NRXN3: variants seen among roughly 807,000 people sequenced by gnomAD.
NRXN3 encodes neurexin 3.
In NRXN3, 32 loss-of-function variants were observed where a neutral mutation model predicts 137.6. The ratio of observed to expected loss-of-function variants is 0.23; its 90% CI spans 0.18 to 0.31. NRXN3 has a LOEUF of 0.31. Among genes scored for constraint, NRXN3 ranks in the 10% least tolerant of loss-of-function variants. The probability of loss-of-function intolerance (pLI) is 1.00; values close to 1 mark genes in which losing one functional copy is unlikely to be tolerated. For synonymous variants in NRXN3, 798 were observed against 784.5 expected, an observed-to-expected ratio of 1.02 and a Z score of -0.29; for missense variants, 1,574 against 2,062.5, an observed-to-expected ratio of 0.76 and a Z score of 4.59.
At chr14:78,465,799 C>T (rs1429854522) in intron 4 of NRXN3, among the ~76,000 whole-genome samples, 5 of 151,792 alleles carry the variant, frequency 3.3e-5, no homozygotes, top group Non-Finnish European at 7.4e-5. Context: ...TCCCAAAGTG[C>T]TGGGATTACA....
At chr14:78,194,548 C>G (rs989053007) in intron 1 of NRXN3, among the ~76,000 whole-genome samples, 2 of 152,102 alleles carry the variant, frequency 1.3e-5, no homozygotes, top group African/African-American at 4.8e-5. Flanking sequence ...CAGGGCCTGG[C>G]CTGCCGGGCC....
chr14:79,397,140 AT>A lies in NRXN3; in HGVS notation c.3263-70072del, dbSNP rs200249365. 1.7e-3 allele frequency among the ~76,000 whole-genome samples: 262 copies of A among 151,374 alleles called. 2 individuals carry two copies. The highest frequency in any genetic ancestry group is 5.2e-3 in the African/African-American group (215 of 41,286). On this transcript the variant is annotated intron_variant, in intron 15 of 20. Coordinates refer to ENST00000335750, the MANE Select transcript of NRXN3 (RefSeq NM_001330195.2). ...ATAGGGATTTTTCCTTCTCTTTTAC[AT>A]TTTTTTTTCCTTTCTTGAACATATA...
At chr14:78,269,278 C>A (rs964444946) in intron 2 of NRXN3, among the ~76,000 whole-genome samples, 2 of 152,166 alleles carry the variant, frequency 1.3e-5, no homozygotes, top group Non-Finnish European at 2.9e-5. Flanking sequence ...GAAGAAAATT[C>A]TGACACATGC....
intron 16 of NRXN3, among the ~76,000 whole-genome samples, chr14:79,490,154 T>C (rs1208925320): frequency 5.9e-5 from 9 of 151,464 alleles, no homozygotes; most frequent in African/African-American, 2.2e-4. Flanking sequence ...TACCCAAAGA[T>C]AGGCAATAAC....
intron 4 of NRXN3, among the ~76,000 whole-genome samples, chr14:78,515,158 A>G (rs2096183209): frequency 6.6e-6 from 1 of 152,174 alleles, no homozygotes; most frequent in African/African-American, 2.4e-5. Context: ...TTTTTTAAGC[A>G]GACAGAGAAC....
intron 15 of NRXN3, among the ~76,000 whole-genome samples, chr14:78,995,370 C>T (rs1251312635): frequency 2.0e-5 from 3 of 152,106 alleles, no homozygotes; most frequent in Non-Finnish European, 4.4e-5. Flanking sequence ...TATGTGTTTG[C>T]TTTATTTCAA....
intron 15 of NRXN3, among the ~76,000 whole-genome samples, chr14:79,179,415 A>G (rs562781612): frequency 6.6e-6 from 1 of 152,292 alleles, no homozygotes; most frequent in East Asian, 1.9e-4. Flanking sequence ...AGATATTATC[A>G]TTTTTTAAAA....
chr14:79,839,827 G>T (rs563757992), intron 20 of NRXN3, among the ~76,000 whole-genome samples: 1 of 152,264 alleles, frequency 6.6e-6, no homozygotes, highest in African/African-American at 2.4e-5. Context: ...ACCAACTGAA[G>T]CTTTCAAAAT....
intron 15 of NRXN3, among the ~76,000 whole-genome samples, chr14:79,181,518 A>G (rs1220167929): frequency 1.3e-5 from 2 of 151,970 alleles, no homozygotes; most frequent in African/African-American, 2.4e-5. Flanking sequence ...ACCCGTCTCT[A>G]CTAAAAACAC....
chr14:79,796,931 A>G (rs907011834), intron 19 of NRXN3, among the ~76,000 whole-genome samples: 3 of 152,134 alleles, frequency 2.0e-5, no homozygotes, highest in African/African-American at 7.2e-5. Context: ...ATAGCTAATG[A>G]TTTGGCAACT....
intron 3 of NRXN3, among the ~76,000 whole-genome samples, chr14:78,296,497 A>G (rs1218868861): frequency 2.0e-5 from 3 of 152,114 alleles, no homozygotes; most frequent in East Asian, 3.9e-4. Flanking sequence ...CTCTCTTCTT[A>G]CTATACCCTT....
At chr14:78,273,886 A>G (rs761733998) in intron 2 of NRXN3, among the ~76,000 whole-genome samples, 5 of 152,130 alleles carry the variant, frequency 3.3e-5, no homozygotes, top group Non-Finnish European at 5.9e-5. Context: ...TTAAATCTGT[A>G]TTCTATTTTC....
intron 7 of NRXN3, among the ~76,000 whole-genome samples, chr14:78,710,546 AG>A (rs1266938783): frequency 1.3e-5 from 2 of 152,318 alleles, no homozygotes; most frequent in East Asian, 3.9e-4. Flanking sequence ...TTCTCCATTT[AG>A]GTAGGATGTA....
intron 19 of NRXN3, among the ~76,000 whole-genome samples, chr14:79,720,578 G>A (rs571116968): frequency 6.6e-6 from 1 of 152,148 alleles, no homozygotes; most frequent in African/African-American, 2.4e-5. Flanking sequence ...GACCTCTAGA[G>A]AGCCATTCTG....
At position 79,153,586 on chromosome 14, in the gene NRXN3, C is replaced by T. The variant is rs559381962; in HGVS notation, c.3262+165445C>T. Reference sequence around the variant, plus strand: ...TCAATCACCTTTACTGAAATGTTATCCTGAGAAGACCGTAAACCCAGGGCT... The same window carrying T: ...TCAATCACCTTTACTGAAATGTTATTCTGAGAAGACCGTAAACCCAGGGCT... On this transcript the variant is annotated intron_variant, in intron 15 of 20. Coordinates refer to ENST00000335750, the MANE Select transcript of NRXN3 (RefSeq NM_001330195.2). Among the ~76,000 whole-genome samples the T allele has an allele frequency of 2.0e-5, 3 of 152,032 alleles. No individual in the cohort carries two copies. In the South Asian group the frequency reaches 6.2e-4, roughly 32 times the overall value.
At chr14:79,239,014 T>C (rs943268258) in intron 15 of NRXN3, among the ~76,000 whole-genome samples, 1 of 152,100 alleles carries the variant, frequency 6.6e-6, no homozygotes, top group East Asian at 1.9e-4. Context: ...GGGGAAATGA[T>C]CTAAGACCCC....
intron 4 of NRXN3, among the ~76,000 whole-genome samples, chr14:78,504,016 T>C (rs2095932593): frequency 6.6e-6 from 1 of 152,146 alleles, no homozygotes; most frequent in Non-Finnish European, 1.5e-5. Flanking sequence ...TGAAAGGAAG[T>C]TTAATGGAGG....
intron 2 of NRXN3, among the ~76,000 whole-genome samples, chr14:78,266,709 T>C (rs1165891643): frequency 1.3e-5 from 2 of 152,178 alleles, no homozygotes; most frequent in Non-Finnish European, 2.9e-5. Context: ...TGGTACTCAT[T>C]AGTAGGCAAT....
chr14:78,502,056 A>T (rs2095887799), intron 4 of NRXN3, among the ~76,000 whole-genome samples: 1 of 152,138 alleles, frequency 6.6e-6, no homozygotes, highest in Non-Finnish European at 1.5e-5. Context: ...CACAGATGTC[A>T]TCATCCCTCT....
Sources: allele counts gnomAD v4.1 joint callset (sites outside exome capture counted in the v4.1 genomes callset), GRCh38; gene constraint gnomAD v4.1.1; transcripts MANE v1.5; gene names NCBI Gene and HGNC (gene_info 2026-07-23, HGNC 2026-07-21).